Variants in NCAN observed in about 807,000 individuals in gnomAD.
NCAN encodes neurocan core protein.
Under a neutral mutation model 121.8 loss-of-function variants are expected in NCAN, and 47 were observed. The ratio of observed to expected loss-of-function variants is 0.39; its 90% CI spans 0.31 to 0.49. The LOEUF (loss-of-function observed/expected upper bound fraction) is 0.49. NCAN is among the 20% of genes least tolerant of loss of function. The probability of loss-of-function intolerance (pLI) is 0.92; values close to 1 mark genes in which losing one functional copy is unlikely to be tolerated. For synonymous variants in NCAN, 633 were observed against 702.0 expected, an observed-to-expected ratio of 0.90 and a Z score of 1.55; for missense variants, 1,517 against 1,773.4, an observed-to-expected ratio of 0.86 and a Z score of 2.60.
chr19:19,237,916 G>T (rs1395040505), intron 10 of NCAN, among the ~76,000 whole-genome samples: 1 of 152,146 alleles, frequency 6.6e-6, no homozygotes, highest in African/African-American at 2.4e-5. Flanking sequence ...GGTGGCGCAC[G>T]CCTGTAATCC....
At chr19:19,228,954 T>C (rs568244795) in intron 8 of NCAN, among the ~76,000 whole-genome samples, 16 of 152,292 alleles carry the variant, frequency 1.1e-4, no homozygotes, top group Middle Eastern at 6.8e-3. Flanking sequence ...ATGCCTGTAA[T>C]CCCAGCACTT....
At chr19:19,213,261 C>T (rs1054580341) in intron 1 of NCAN, among the ~76,000 whole-genome samples, 3 of 152,050 alleles carry the variant, frequency 2.0e-5, no homozygotes, top group Non-Finnish European at 4.4e-5. Flanking sequence ...GTGTGTCCAC[C>T]CCAGACAGGC....
At chr19:19,244,412 A>T (rs1568603222) in intron 12 of NCAN, among the ~76,000 whole-genome samples, 1 of 149,256 alleles carries the variant, frequency 6.7e-6, no homozygotes, top group African/African-American at 2.5e-5. Flanking sequence ...GGCTCAAGGG[A>T]TTCTCCTGCT....
intron 10 of NCAN, among the ~76,000 whole-genome samples, chr19:19,235,821 T>G (rs1431191852): frequency 6.6e-6 from 1 of 151,968 alleles, no homozygotes; most frequent in Non-Finnish European, 1.5e-5. Context: ...TCTTGGCTCA[T>G]TGCAGCTTTG....
chr19:19,219,859 TAAAA>T (rs35998446), intron 3 of NCAN, among the ~76,000 whole-genome samples: 6 of 128,220 alleles, frequency 4.7e-5, no homozygotes, highest in Non-Finnish European at 6.7e-5. Context: ...ACCCCGTCTT[TAAAA>T]AAAAAAAAAA....
intron 8 of NCAN, among the ~76,000 whole-genome samples, chr19:19,229,817 C>T (rs1271798850): frequency 6.6e-6 from 1 of 152,112 alleles, no homozygotes; most frequent in African/African-American, 2.4e-5. Flanking sequence ...ATGGCTCATG[C>T]CTGTCATCCT....
At chr19:19,213,518 G>C (rs1015186661) in intron 1 of NCAN, among the ~76,000 whole-genome samples, 29 of 123,214 alleles carry the variant, frequency 2.4e-4, no homozygotes, top group East Asian at 1.3e-3. Flanking sequence ...GGGGGGGGGG[G>C]CCCGAGACTG....
intron 8 of NCAN, among the ~76,000 whole-genome samples, chr19:19,230,479 C>T (rs1217304861): frequency 1.3e-5 from 2 of 148,464 alleles, no homozygotes; most frequent in Admixed American, 1.4e-4. Flanking sequence ...TCGTGGCTCA[C>T]TGCAGCCTTG....
rs200989515 is a variant in NCAN at position 19,249,874 on chromosome 19, C to G, written c.3929C>G (p.Thr1310Arg). Residue 1310 changes from threonine (T) to arginine (R), a missense_variant, in exon 15 of 15, where the codon ACG (threonine) becomes AGG (arginine). Thr to Arg is a moderately conservative substitution (Grantham distance 71). Coordinates refer to ENST00000252575, the MANE Select transcript of NCAN (RefSeq NM_004386.3). The part of the protein sequence containing the change: ...KERRKHKKHP[T>R]EDWEKDEGNF... ...CGCAGAAAACACAAGAAACACCCAACGGAGGACTGGGAGAAGGACGAAGGG... is the reference window on the plus strand; with the variant it reads ...CGCAGAAAACACAAGAAACACCCAAGGGAGGACTGGGAGAAGGACGAAGGG... 1.9e-6 allele frequency: 3 copies of G among 1,614,070 alleles called. No homozygotes were observed. In the East Asian group the frequency reaches 6.7e-5, roughly 36 times the overall value.
At chr19:19,239,201 A>G (rs1401195496) in intron 11 of NCAN, among the ~76,000 whole-genome samples, 1 of 151,940 alleles carries the variant, frequency 6.6e-6, no homozygotes, top group Non-Finnish European at 1.5e-5. Flanking sequence ...CTGGCCACAA[A>G]CCCTGGGATA....
chr19:19,212,706 G>A lies in NCAN; in HGVS notation c.-8+642G>A, dbSNP rs1225876991. ...GGTCCCCATCCCAACGTGGTTCCCC[G>A]TTATTCCCTTAGACCTTGGGTTGAG... On this transcript the variant is annotated intron_variant, in intron 1 of 14. Transcript: ENST00000252575. The surrounding 1 kb of genome is among the most constrained non-coding windows in gnomAD (Gnocchi z 4.5). Among the ~76,000 whole-genome samples the A allele has an allele frequency of 3.9e-5, 6 of 152,178 alleles. No individual in the cohort carries two copies. Among genetic ancestry groups the A allele is most frequent in the South Asian group, 2.1e-4 (1 of 4,832 alleles).
chr19:19,226,451 G>A (rs752815123), intron 6 of NCAN, 35 bp from the exon 7 acceptor site: 1 of 1,502,234 alleles, frequency 6.7e-7, no homozygotes, highest in Non-Finnish European at 9.0e-7. Flanking sequence ...GGCAACCCCT[G>A]GGCCTAACAC....
chr19:19,238,464 C>T, intron 11 of NCAN, 53 bp downstream of exon 11: 1 of 1,606,912 alleles, frequency 6.2e-7, no homozygotes. Flanking sequence ...AGGGGTGGCA[C>T]TTGTAGCCCT....
Position 19,250,015 on chromosome 19 carries a change from G to T in NCAN, c.*104G>T. The T allele has an allele frequency of 8.0e-7, 1 of 1,249,704 alleles. No individual in the cohort carries two copies. Among genetic ancestry groups the T allele is most frequent in the Non-Finnish European group, 1.1e-6 (1 of 873,948 alleles). 77.4% of individuals were successfully genotyped at this position (1,249,704 alleles called of 1,614,324 possible). ...GAAACAAGAGAGTCCAGAAGTCCCT[G>T]AACCCCAAACCACATCCCCCACACA... is the stretch of plus-strand genomic sequence containing the variant. On this transcript the variant is annotated 3_prime_UTR_variant, in exon 15 of 15. Coordinates refer to ENST00000252575, the MANE Select transcript of NCAN (RefSeq NM_004386.3).
intron 11 of NCAN, among the ~76,000 whole-genome samples, chr19:19,240,133 C>A (rs990206218): frequency 7.0e-6 from 1 of 143,774 alleles, no homozygotes; most frequent in East Asian, 2.2e-4. Context: ...TCTTCCCACT[C>A]CTGCCCCTCC....
chr19:19,228,241 C>A lies in NCAN; in HGVS notation c.2621C>A (p.Thr874Lys). The A allele has an allele frequency of 6.2e-7, 1 of 1,613,916 alleles. No individual in the cohort carries two copies. The highest frequency in any genetic ancestry group is 8.5e-7 in the Non-Finnish European group (1 of 1,180,012). ...ALDTSIVTPL[T>K]TLEQGDKVGV... ...GATACAAGCATTGTGACGCCCCTCA[C>A]GACCCTGGAGCAGGGGGACAAGGTT... Residue 874 changes from threonine (T) to lysine (K), a missense_variant, in exon 8 of 15, where the codon ACG (threonine) becomes AAG (lysine). Coordinates refer to ENST00000252575, the MANE Select transcript of NCAN (RefSeq NM_004386.3).
intron 10 of NCAN, among the ~76,000 whole-genome samples, chr19:19,236,427 T>G (rs1479330738): frequency 6.6e-6 from 1 of 152,214 alleles, no homozygotes; most frequent in Admixed American, 6.5e-5. Flanking sequence ...GTTTGATGGA[T>G]ATTTGGGTTG....
chr19:19,224,474 T>C, intron 5 of NCAN, 41 bp downstream of exon 5: 1 of 1,598,502 alleles, frequency 6.3e-7, no homozygotes, highest in Non-Finnish European at 8.5e-7. Flanking sequence ...TCCGCCTCTC[T>C]TTGAGTATCT....
chr19:19,244,846 G>T (rs2060918583), intron 12 of NCAN, among the ~76,000 whole-genome samples: 1 of 151,250 alleles, frequency 6.6e-6, no homozygotes, highest in African/African-American at 2.4e-5. Context: ...CTCCTGCTGG[G>T]ATTACAGGCT....
Sources: allele counts gnomAD v4.1 joint callset (sites outside exome capture counted in the v4.1 genomes callset), GRCh38; gene constraint gnomAD v4.1.1; non-coding constraint Gnocchi (gnomAD v3.1); transcripts MANE v1.5; gene names NCBI Gene and HGNC (gene_info 2026-07-23, HGNC 2026-07-21).